TRPM3: variants seen among roughly 807,000 people sequenced by gnomAD.
TRPM3 encodes transient receptor potential cation channel subfamily M member 3.
TRPM3 carries 77 observed loss-of-function variants against 181.2 expected under a neutral mutation model. That is an observed-to-expected ratio of 0.42 (90% CI 0.35 to 0.51). The LOEUF is 0.51. TRPM3 is among the 20% of genes least tolerant of loss of function. The pLI, the probability that TRPM3 is intolerant of heterozygous loss-of-function variation, is 0.01. For missense variants in TRPM3, 1,759 were observed against 2,196.7 expected (o/e 0.80, Z 3.98); for synonymous variants, 745 against 796.4 (o/e 0.94, Z 1.09).
rs369163585 is a variant in TRPM3, at chr9:70,618,900, G to A, written c.2325C>T (p.Gly775=). 6.2e-7 allele frequency: 1 copy of A among 1,610,036 alleles called. No individual in the cohort carries two copies. Among genetic ancestry groups the A allele is most frequent in the Non-Finnish European group, 8.5e-7 (1 of 1,179,964 alleles). The part of the protein sequence containing the change: ...SQMLLTDMWM[G]RLRMRKNSGL... ...CTGAGTTCTTGCGCATGCGGAGCCG[G>A]CCCATCCACATGTCGGTGAGCAGCA... is the stretch of plus-strand genomic sequence containing the variant. Residue 775 remains glycine, a synonymous_variant, in exon 17 of 26, where the codon GGC becomes GGT. Transcript: ENST00000677713.
chr9:71,268,313 G>A (rs1294745643), intron 1 of TRPM3, among the ~76,000 whole-genome samples: 1 of 152,124 alleles, frequency 6.6e-6, no homozygotes, highest in African/African-American at 2.4e-5. Flanking sequence ...CCAGGAGGCA[G>A]AGGTTGCAGT....
At chr9:71,107,262 A>G (rs1442324589) in intron 1 of TRPM3, among the ~76,000 whole-genome samples, 1 of 152,068 alleles carries the variant, frequency 6.6e-6, no homozygotes, top group Non-Finnish European at 1.5e-5. Context: ...TGTGAGCAAT[A>G]ATCTCTAGCA....
intron 6 of TRPM3, among the ~76,000 whole-genome samples, chr9:70,791,963 A>G (rs1222514655): frequency 2.0e-5 from 3 of 151,982 alleles, no homozygotes; most frequent in Non-Finnish European, 4.4e-5. Context: ...TTTTCTATCT[A>G]GTAATCGGAG....
At chr9:71,367,943 T>TTGTGTG (rs35334724) in intron 1 of TRPM3, among the ~76,000 whole-genome samples, 3,435 of 150,796 alleles carry the variant, frequency 0.023, 107 homozygotes, top group African/African-American at 0.071. Context: ...TCCTAAGCAT[T>TTGTGTG]TGTGTGTGTG....
chr9:71,352,724 AG>A (rs1385114291), intron 1 of TRPM3, among the ~76,000 whole-genome samples: 3 of 152,172 alleles, frequency 2.0e-5, no homozygotes, highest in Non-Finnish European at 2.9e-5. Flanking sequence ...TATCTCTTCC[AG>A]TTGTTTCCCT....
At chr9:71,003,766 C>T (rs1349390931) in intron 1 of TRPM3, among the ~76,000 whole-genome samples, 2 of 151,588 alleles carry the variant, frequency 1.3e-5, no homozygotes, top group South Asian at 2.1e-4. Context: ...ATCACTCCCC[C>T]CGTAAAAATA....
chr9:71,269,040 C>T (rs1015796861), intron 1 of TRPM3, among the ~76,000 whole-genome samples: 1 of 152,088 alleles, frequency 6.6e-6, no homozygotes, highest in Non-Finnish European at 1.5e-5. Context: ...ATAGCAAGTA[C>T]ACGGGGGCGG....
upstream of TRPM3, chr9:71,121,710 G>A (rs534013543): frequency 5.4e-6 from 5 of 922,034 alleles, no homozygotes; most frequent in Admixed American, 5.3e-5. Flanking sequence ...CTTGGTTTGG[G>A]GGGGAGCCAG....
intron 4 of TRPM3, among the ~76,000 whole-genome samples, chr9:70,844,001 T>C (rs370791226): frequency 1.3e-5 from 2 of 152,214 alleles, no homozygotes; most frequent in East Asian, 1.9e-4. Context: ...CATTTGAACA[T>C]ATTGCAGTTT....
intron 1 of TRPM3, among the ~76,000 whole-genome samples, chr9:70,904,908 T>C (rs1249514743): frequency 6.6e-6 from 1 of 152,230 alleles, no homozygotes; most frequent in Non-Finnish European, 1.5e-5. Flanking sequence ...AGTTTTCTTA[T>C]GGCTGGGGAA....
intron 1 of TRPM3, among the ~76,000 whole-genome samples, chr9:71,142,859 C>A (rs2075193724): frequency 6.6e-6 from 1 of 151,614 alleles, no homozygotes. Context: ...AATCCCAGCA[C>A]ACTGGGAGGC....
At chr9:71,262,519 G>A (rs994636125) in intron 1 of TRPM3, among the ~76,000 whole-genome samples, 1 of 152,136 alleles carries the variant, frequency 6.6e-6, no homozygotes, top group Non-Finnish European at 1.5e-5. Context: ...TTCCAAGGGA[G>A]TGAACAGTTC....
At chr9:70,971,671 G>A (rs553273081) in intron 1 of TRPM3, among the ~76,000 whole-genome samples, 2 of 152,262 alleles carry the variant, frequency 1.3e-5, no homozygotes, top group East Asian at 1.9e-4. Context: ...TTGTATTTTG[G>A]TTCTTAGGAA....
intron 6 of TRPM3, among the ~76,000 whole-genome samples, chr9:70,815,004 G>GT (rs1277959980): frequency 6.6e-6 from 1 of 151,404 alleles, no homozygotes; most frequent in Non-Finnish European, 1.5e-5. Context: ...AGTGAAAAGT[G>GT]TCACTCCCTG....
chr9:71,003,243 T>G (rs1037007458), intron 1 of TRPM3, among the ~76,000 whole-genome samples: 2 of 150,156 alleles, frequency 1.3e-5, no homozygotes, highest in African/African-American at 4.9e-5. Flanking sequence ...AATCACTGCA[T>G]AGCAGTTCAA....
chr9:71,443,988 G>A (rs980103164), intron 1 of TRPM3, among the ~76,000 whole-genome samples: 3 of 152,168 alleles, frequency 2.0e-5, no homozygotes. Flanking sequence ...AGACCATCCT[G>A]GCCAACATGG....
At chr9:70,666,595 T>C (rs763219294) in intron 9 of TRPM3, among the ~76,000 whole-genome samples, 1 of 152,350 alleles carries the variant, frequency 6.6e-6, no homozygotes, top group South Asian at 2.1e-4. Context: ...TTCTGCATTG[T>C]TGTTTGGAAG....
intron 7 of TRPM3, among the ~76,000 whole-genome samples, chr9:70,768,296 A>G (rs1424018941): frequency 1.3e-5 from 2 of 152,120 alleles, no homozygotes; most frequent in East Asian, 1.9e-4. Flanking sequence ...CCAGCTGCCT[A>G]TTTACATTTA....
chr9:70,968,430 C>T lies in TRPM3; in HGVS notation c.178-103919G>A, dbSNP rs555141358. On this transcript the variant is annotated intron_variant, in intron 1 of 25. Coordinates refer to ENST00000677713, the MANE Select transcript of TRPM3 (RefSeq NM_001366145.2). ...TCCTTCCTTTATCATGCAATCAGTG[C>T]AGATTCTCAGTTCATATCTGTCCCT... Among the ~76,000 whole-genome samples the T allele has an allele frequency of 2.2e-3, 338 of 152,204 alleles. 2 individuals carry two copies. Among genetic ancestry groups the T allele is most frequent in the Non-Finnish European group, 3.2e-3 (220 of 67,992 alleles).
Sources: allele counts gnomAD v4.1 joint callset (sites outside exome capture counted in the v4.1 genomes callset), GRCh38; gene constraint gnomAD v4.1.1; transcripts MANE v1.5; gene names NCBI Gene and HGNC (gene_info 2026-07-23, HGNC 2026-07-21).